Variants in SDF2 observed in about 807,000 individuals in gnomAD.
The protein encoded by SDF2 is stromal cell derived factor 2, also known as stromal cell-derived factor 2.
In SDF2, 12 loss-of-function variants were observed where a neutral mutation model predicts 20.5. The observed-to-expected ratio is 0.58, with a 90% CI of 0.37 to 0.95. The LOEUF is 0.95. Among genes scored for constraint, SDF2 ranks in the 40% least tolerant of loss-of-function variants. The pLI, the probability that SDF2 is intolerant of heterozygous loss-of-function variation, is 0.01. For missense variants in SDF2, 238 were observed against 263.1 expected, an observed-to-expected ratio of 0.90 and a Z score of 0.66; for synonymous variants, 100 against 101.0, an observed-to-expected ratio of 0.99 and a Z score of 0.06.
At chr17:28,649,491 C>A (rs2071893954) in intron 2 of SDF2, among the ~76,000 whole-genome samples, 1 of 151,796 alleles carries the variant, frequency 6.6e-6, no homozygotes, top group Non-Finnish European at 1.5e-5. Context: ...AAACGCTATC[C>A]CTAAAAAAAA....
At chr17:28,657,605 C>T (rs749393198) in intron 1 of SDF2, 4 of 151,942 alleles carry the variant, frequency 2.6e-5, no homozygotes, top group African/African-American at 9.7e-5. Flanking sequence ...GCCATGTTGC[C>T]CAGGCTACTC....
upstream of SDF2, chr17:28,662,159 T>A: frequency 3.1e-6 from 1 of 320,466 alleles, no homozygotes; most frequent in Non-Finnish European, 5.9e-6. Flanking sequence ...GAACAAGAAA[T>A]GGCCCGCCCA....
intron 2 of SDF2, among the ~76,000 whole-genome samples, chr17:28,654,752 C>T (rs1340233093): frequency 1.3e-5 from 2 of 152,046 alleles, no homozygotes; most frequent in Non-Finnish European, 2.9e-5. Context: ...GAGTTCGAGA[C>T]CAGCCTGGCC....
intron 1 of SDF2, chr17:28,660,698 G>C (rs1224584470): frequency 2.0e-5 from 3 of 153,286 alleles, no homozygotes; most frequent in Non-Finnish European, 4.4e-5. Context: ...TCGCAGTGAT[G>C]ATAACTCATG....
chr17:28,651,769 T>C (rs1018457636), intron 2 of SDF2, among the ~76,000 whole-genome samples: 1 of 149,872 alleles, frequency 6.7e-6, no homozygotes, highest in African/African-American at 2.5e-5. Flanking sequence ...AAATTACTGA[T>C]TATTTCAGAA....
At chr17:28,658,418 T>G (rs2071987568) in intron 1 of SDF2, among the ~76,000 whole-genome samples, 1 of 152,210 alleles carries the variant, frequency 6.6e-6, no homozygotes, top group Non-Finnish European at 1.5e-5. Flanking sequence ...TCCGCAGTGT[T>G]TGTGTCCCTG....
chr17:28,659,418 G>T (rs998844557), intron 1 of SDF2, among the ~76,000 whole-genome samples: 2 of 134,508 alleles, frequency 1.5e-5, no homozygotes, highest in African/African-American at 5.7e-5. Flanking sequence ...GGGCAGAGGC[G>T]CTCCTCACAT....
chr17:28,655,143 C>T, intron 2 of SDF2, 144 bp downstream of exon 2: 5 of 778,364 alleles, frequency 6.4e-6, no homozygotes, highest in Non-Finnish European at 1.0e-5. Context: ...ACAACAAAAA[C>T]CCACACAAAA....
chr17:28,655,147 C>T, intron 2 of SDF2, 140 bp downstream of exon 2: 1 of 800,842 alleles, frequency 1.2e-6, no homozygotes, highest in Non-Finnish European at 2.0e-6. Context: ...CAAAAACCCA[C>T]ACAAAAATAG....
Position 28,648,986 on chromosome 17 carries a change from G to C in SDF2, c.*3C>G. The C allele has an allele frequency of 6.2e-7, 1 of 1,613,342 alleles. No homozygotes were observed. ...CGTTAACAGTGGCTCAGAGCCTCTAGATTCACAGCTCTGCATGGTGGGCTT... is the reference window on the plus strand; with the variant it reads ...CGTTAACAGTGGCTCAGAGCCTCTACATTCACAGCTCTGCATGGTGGGCTT... On this transcript the variant is annotated 3_prime_UTR_variant, in exon 3 of 3. Coordinates refer to ENST00000247020, the MANE Select transcript of SDF2 (RefSeq NM_006923.4).
chr17:28,649,122 C>G lies in SDF2; in HGVS notation c.503G>C (p.Arg168Pro). Residue 168 changes from arginine to proline, a missense_variant, in exon 3 of 3, where the codon CGA (arginine) becomes CCA (proline). By Grantham distance (103) the Arg-to-Pro change is moderately radical (BLOSUM62 -2). Coordinates refer to ENST00000247020, the MANE Select transcript of SDF2 (RefSeq NM_006923.4). Reference sequence around the variant, plus strand: ...CACCTCTTTTTGCCCACTGATAGGTCGACCATATTGTTCTCCTGTGACAGA... The same window carrying G: ...CACCTCTTTTTGCCCACTGATAGGTGGACCATATTGTTCTCCTGTGACAGA... ...LLSVTGEQYGRPISGQKEVHG... is the reference protein window; with the variant it reads ...LLSVTGEQYGPPISGQKEVHG... The G allele has an allele frequency of 6.2e-7, 1 of 1,614,204 alleles. No homozygotes were observed. Among genetic ancestry groups the G allele is most frequent in the Non-Finnish European group, 8.5e-7 (1 of 1,180,048 alleles).
In SDF2 at chr17:28,648,912, T is replaced by C; in HGVS notation, c.*77A>G. 1 of 1,451,738 alleles carries C rather than the reference T, an allele frequency of 6.9e-7. No individual in the cohort carries two copies. The highest frequency in any genetic ancestry group is 1.7e-5 in the Admixed American group (1 of 57,256). The allele number at this position is 1,451,738 out of a possible 1,614,324, so 89.9% of individuals were successfully genotyped here. The stretch of plus-strand genomic sequence containing the variant: ...ACATGGCCACTGCCCAAGGAACTTG[T>C]GGCAGGGATCCCAAGGTGAGGCAGC... On this transcript the variant is annotated 3_prime_UTR_variant, in exon 3 of 3. Coordinates refer to ENST00000247020, the MANE Select transcript of SDF2 (RefSeq NM_006923.4).
At chr17:28,649,502 T>C (rs1343768672) in intron 2 of SDF2, among the ~76,000 whole-genome samples, 5 of 150,880 alleles carry the variant, frequency 3.3e-5, no homozygotes, top group Non-Finnish European at 7.4e-5. Context: ...CTAAAAAAAA[T>C]ACAAAAGAAA....
chr17:28,654,938 AGAGT>A (rs1306700155), intron 2 of SDF2, among the ~76,000 whole-genome samples: 5 of 152,184 alleles, frequency 3.3e-5, no homozygotes, highest in African/African-American at 1.2e-4. Context: ...CCTGGGTGAC[AGAGT>A]GAGACTCCAT....
At chr17:28,661,246 C>A (rs755989722) in intron 1 of SDF2, 2 of 434,274 alleles carry the variant, frequency 4.6e-6, no homozygotes, top group Admixed American at 5.5e-5. Context: ...TTGTAGTCAA[C>A]GAGTGAGCTC....
At chr17:28,658,024 CTTT>C (rs1181080548) in intron 1 of SDF2, among the ~76,000 whole-genome samples, 2 of 152,136 alleles carry the variant, frequency 1.3e-5, no homozygotes, top group East Asian at 3.9e-4. Context: ...CCTTTCATGA[CTTT>C]ATTATATCTT....
chr17:28,658,535 G>T (rs1234931873), intron 1 of SDF2, among the ~76,000 whole-genome samples: 1 of 152,172 alleles, frequency 6.6e-6, no homozygotes, highest in East Asian at 1.9e-4. Flanking sequence ...TTAACCCTGA[G>T]TTGACACAGC....
At chr17:28,653,943 A>G (rs2071934601) in intron 2 of SDF2, among the ~76,000 whole-genome samples, 1 of 152,210 alleles carries the variant, frequency 6.6e-6, no homozygotes, top group Non-Finnish European at 1.5e-5. Context: ...TAATAGGGAA[A>G]ACTGCATACA....
intron 2 of SDF2, among the ~76,000 whole-genome samples, chr17:28,649,941 T>TTTTATTTA (rs750927167): frequency 6.6e-6 from 1 of 151,026 alleles, no homozygotes; most frequent in African/African-American, 2.4e-5. Flanking sequence ...AGTGTTGTTA[T>TTTTATTTA]TTTATTTATT....
Sources: gnomAD v4.1 joint callset for allele counts (sites outside exome capture counted in the v4.1 genomes callset) on GRCh38, gnomAD v4.1.1 for gene constraint, MANE v1.5 for transcripts, NCBI Gene and HGNC (gene_info 2026-07-23, HGNC 2026-07-21) for gene names.